The following UGT1A4 variants were observed in gnomAD, a reference collection of about 807,000 sequenced individuals.
UGT1A4 encodes the protein UDP glucuronosyltransferase family 1 member A4, also known as UDP-glucuronosyltransferase 1A4.
In UGT1A4, 32 loss-of-function variants were observed where a neutral mutation model predicts 41.1. That is an observed-to-expected ratio of 0.78 (90% CI 0.59 to 1.05). The LOEUF (loss-of-function observed/expected upper bound fraction) is 1.05, where lower values mean the gene tolerates loss of function less well. UGT1A4 is among the 50% of genes least tolerant of loss of function. UGT1A4 has a pLI of 0.00. For missense variants in UGT1A4, 748 were observed against 677.4 expected (o/e 1.10, Z -1.16); for synonymous variants, 283 against 265.1 (o/e 1.07, Z -0.66).
At chr2:233,760,867 C>T (rs767983942) in intron 1 of UGT1A4, 3 of 1,614,156 alleles carry the variant, frequency 1.9e-6, no homozygotes, top group Non-Finnish European at 2.5e-6. Flanking sequence ...CTCCTACGTG[C>T]CCAGGCCTCT....
intron 1 of UGT1A4, chr2:233,742,641 A>G (rs1692051746): frequency 1.3e-5 from 2 of 152,170 alleles, no homozygotes. Flanking sequence ...GTCCTAGTAT[A>G]CCACCGACCA....
intron 1 of UGT1A4, among the ~76,000 whole-genome samples, chr2:233,734,585 A>G (rs1334930397): frequency 1.3e-5 from 2 of 151,422 alleles, no homozygotes; most frequent in African/African-American, 4.9e-5. Context: ...TTGCTTATCT[A>G]GTTCTTTTAT....
chr2:233,729,487 T>C (rs1189520708), intron 1 of UGT1A4: 17 of 1,614,220 alleles, frequency 1.1e-5, no homozygotes, highest in Non-Finnish European at 1.4e-5. Flanking sequence ...GAACAATATG[T>C]CTTTGGTCTA....
At chr2:233,751,247 A>G (rs1694675595) in intron 1 of UGT1A4, among the ~76,000 whole-genome samples, 1 of 151,954 alleles carries the variant, frequency 6.6e-6, no homozygotes, top group South Asian at 2.1e-4. Flanking sequence ...TTGGACTTGC[A>G]TGGGGCCTGT....
rs549717724 is a variant in UGT1A4 at position 233,729,172 on chromosome 2, C to T, written c.867+9485C>T. 1.0e-4 allele frequency: 161 copies of T among 1,613,762 alleles called. No homozygotes were observed. In the East Asian group the frequency reaches 3.5e-3, roughly 35 times the overall value. ...TCCCCTGCCGTGGCTGGCCACAGGA[C>T]TGCTGCTTCTCCTCAGTGTCCAGCC... On this transcript the variant is annotated intron_variant, in intron 1 of 4. Coordinates refer to ENST00000373409, the MANE Select transcript of UGT1A4 (RefSeq NM_007120.3).
At chr2:233,734,361 G>A (rs557706400) in intron 1 of UGT1A4, among the ~76,000 whole-genome samples, 44 of 152,144 alleles carry the variant, frequency 2.9e-4, no homozygotes, top group Non-Finnish European at 5.3e-4. Flanking sequence ...CTGTGGGATC[G>A]GTGGTGATAT....
intron 1 of UGT1A4, among the ~76,000 whole-genome samples, chr2:233,724,428 T>C (rs2077257386): frequency 7.8e-6 from 1 of 128,780 alleles, no homozygotes; most frequent in African/African-American, 3.1e-5. Flanking sequence ...GCGGAGAGGC[T>C]CCTCACTTCT....
At position 233,744,183 on chromosome 2, in the gene UGT1A4, A is replaced by G. The variant is rs1026910418; in HGVS notation, c.868-22851A>G. 8.6e-5 allele frequency among the ~76,000 whole-genome samples: 13 copies of G among 151,842 alleles called. 1 individual carries two copies. The highest frequency in any genetic ancestry group is 2.7e-4 in the African/African-American group (11 of 41,106). On this transcript the variant is annotated intron_variant, in intron 1 of 4. Transcript: ENST00000373409. Reference sequence around the variant, plus strand: ...CGCCCACTCCGGCCTCCAACCAGCCATGGTCTCCAAAAAGGATGGGAAAAA... The same window carrying G: ...CGCCCACTCCGGCCTCCAACCAGCCGTGGTCTCCAAAAAGGATGGGAAAAA...
chr2:233,769,773 T>C lies in UGT1A4; in HGVS notation c.1307+1334T>C. 4 of 1,392,024 alleles carry C rather than the reference T, an allele frequency of 2.9e-6. No individual in the cohort carries two copies. Among genetic ancestry groups the C allele is most frequent in the Non-Finnish European group, 2.8e-6 (3 of 1,065,432 alleles). 86.2% of individuals were successfully genotyped at this position (1,392,024 alleles called of 1,614,324 possible). A position where few individuals can be genotyped will look rare whatever the true frequency, so the allele number is the denominator to read the frequency against. ...TGGAGGCTAAGGCGGGAGGATTGCTTGAGCCCAGAAGTTGGAGGCTGCTAT... is the reference window on the plus strand; with the variant it reads ...TGGAGGCTAAGGCGGGAGGATTGCTCGAGCCCAGAAGTTGGAGGCTGCTAT... On this transcript the variant is annotated intron_variant, in intron 4 of 4. Transcript: ENST00000373409. This position sits in a 1 kb window ranked among gnomAD's most constrained non-coding sequence, Gnocchi z 4.4.
At position 233,752,253 on chromosome 2, in the gene UGT1A4, G is replaced by A. The variant is rs182159000; in HGVS notation, c.868-14781G>A. ...TTGGTTTTTTGGACCCTACTGTGAT[G>A]GTCACAGGACTCCAGGTCTCTTGGG... On this transcript the variant is annotated intron_variant, in intron 1 of 4. Coordinates refer to ENST00000373409, the MANE Select transcript of UGT1A4 (RefSeq NM_007120.3). 1.2e-3 allele frequency: 184 copies of A among 152,284 alleles called. 1 individual carries two copies. Among genetic ancestry groups the A allele is most frequent in the African/African-American group, 4.2e-3 (173 of 41,564 alleles). 9.4% of individuals were successfully genotyped at this position (152,284 alleles called of 1,614,324 possible).
chr2:233,772,866 T>C lies in UGT1A4; in HGVS notation c.*307T>C. ...TTTTCTTACTCTGAAACATGGCCTGTTTGGGAGTGCGGGATTCAAAGGTGG... is the reference window on the plus strand; with the variant it reads ...TTTTCTTACTCTGAAACATGGCCTGCTTGGGAGTGCGGGATTCAAAGGTGG... On this transcript the variant is annotated 3_prime_UTR_variant, in exon 5 of 5. Transcript: ENST00000373409. 1 of 650,978 alleles carries C rather than the reference T, an allele frequency of 1.5e-6. No homozygotes were observed. The highest frequency in any genetic ancestry group is 2.3e-6 in the Non-Finnish European group (1 of 438,192). 40.3% of individuals were successfully genotyped at this position (650,978 alleles called of 1,614,324 possible). A position where few individuals can be genotyped will look rare whatever the true frequency, so the allele number is the denominator to read the frequency against.
intron 1 of UGT1A4, among the ~76,000 whole-genome samples, chr2:233,765,606 C>T (rs4663971): frequency 1.3e-5 from 2 of 151,332 alleles, no homozygotes; most frequent in Non-Finnish European, 1.5e-5. Context: ...GGGCTTGTGG[C>T]GGGGTGAGGG....
intron 1 of UGT1A4, chr2:233,754,258 T>A: frequency 5.9e-6 from 1 of 170,430 alleles, no homozygotes; most frequent in South Asian, 1.4e-4. Flanking sequence ...CGGAAAAAGG[T>A]AAGGCTCAAA....
intron 1 of UGT1A4, among the ~76,000 whole-genome samples, chr2:233,746,183 A>G (rs985573808): frequency 4.6e-5 from 7 of 151,896 alleles, no homozygotes; most frequent in Admixed American, 6.5e-5. Context: ...TGTAAGGAAT[A>G]TATGTATAGG....
chr2:233,765,711 TTAA>T (rs10664358), intron 1 of UGT1A4, among the ~76,000 whole-genome samples: 5,413 of 149,254 alleles, frequency 0.036, 331 homozygotes, highest in African/African-American at 0.13. Context: ...ATAATAATAA[TTAA>T]TAATAATAAT....
intron 3 of UGT1A4, 40 bp downstream of exon 3, chr2:233,767,976 C>A: frequency 6.2e-7 from 1 of 1,614,040 alleles, no homozygotes; most frequent in South Asian, 1.1e-5. Context: ...AAACCAGGGT[C>A]AAATTAAGAA....
intron 1 of UGT1A4, among the ~76,000 whole-genome samples, chr2:233,740,264 G>A (rs540642726): frequency 1.3e-5 from 2 of 151,992 alleles, no homozygotes; most frequent in Admixed American, 6.5e-5. Flanking sequence ...GATTGGTGGT[G>A]ATTGAAGTTA....
At chr2:233,755,420 G>A (rs187061066) in intron 1 of UGT1A4, 126 of 320,310 alleles carry the variant, frequency 3.9e-4, no homozygotes, top group African/African-American at 1.9e-3. Context: ...GCCTGTGAGC[G>A]CCTCGCATCC....
At chr2:233,749,258 T>A (rs1694154027) in intron 1 of UGT1A4, among the ~76,000 whole-genome samples, 1 of 151,972 alleles carries the variant, frequency 6.6e-6, no homozygotes, top group African/African-American at 2.4e-5. Flanking sequence ...ATTTTTTTAT[T>A]GGTGATTTTC....
Sources: gnomAD v4.1 joint callset for allele counts (sites outside exome capture counted in the v4.1 genomes callset) on GRCh38, gnomAD v4.1.1 for gene constraint, Gnocchi (gnomAD v3.1) non-coding constraint, MANE v1.5 for transcripts, NCBI Gene and HGNC (gene_info 2026-07-23, HGNC 2026-07-21) for gene names.